PLPPR3: variants seen among roughly 807,000 people sequenced by gnomAD.
The protein encoded by PLPPR3 is phospholipid phosphatase related 3.
A neutral mutation model predicts 27.3 loss-of-function variants in PLPPR3; 14 were observed. The ratio of observed to expected loss-of-function variants is 0.51; its 90% CI spans 0.34 to 0.80. The LOEUF (loss-of-function observed/expected upper bound fraction) is 0.80, where lower values mean the gene tolerates loss of function less well. Among genes scored for constraint, PLPPR3 ranks in the 30% least tolerant of loss-of-function variants. The probability of loss-of-function intolerance (pLI) is 0.01; values close to 1 mark genes in which losing one functional copy is unlikely to be tolerated. For missense variants in PLPPR3, 1,287 were observed against 1,056.9 expected (o/e 1.22, Z -3.02); for synonymous variants, 671 against 508.0 (o/e 1.32, Z -4.32).
At chr19:821,076 G>A (rs983361580) in intron 2 of PLPPR3, among the ~76,000 whole-genome samples, 1 of 152,162 alleles carries the variant, frequency 6.6e-6, no homozygotes, top group African/African-American at 2.4e-5. Flanking sequence ...GAGGTTAGGG[G>A]CAGGGCACCA....
chr19:815,938 G>A (rs997376951), intron 2 of PLPPR3, 87 bp from the exon 3 acceptor site: 28 of 1,370,254 alleles, frequency 2.0e-5, no homozygotes, highest in South Asian at 5.5e-5. Context: ...GCCATCCACC[G>A]TCTCACTCAC....
chr19:818,560 G>A (rs919833596), intron 2 of PLPPR3, among the ~76,000 whole-genome samples: 1 of 151,660 alleles, frequency 6.6e-6, no homozygotes, highest in African/African-American at 2.4e-5. Context: ...TTTTTTTGGA[G>A]TCTCGCTCTG....
intron 2 of PLPPR3, among the ~76,000 whole-genome samples, chr19:818,194 C>T (rs936908466): frequency 2.0e-5 from 3 of 152,000 alleles, no homozygotes; most frequent in Non-Finnish European, 4.4e-5. Flanking sequence ...ACCAGCCTGG[C>T]CAACATGGTG....
intron 2 of PLPPR3, among the ~76,000 whole-genome samples, chr19:818,935 A>G (rs1472496878): frequency 2.0e-5 from 3 of 149,496 alleles, no homozygotes; most frequent in Non-Finnish European, 4.4e-5. Flanking sequence ...CTGGAATTAC[A>G]GGTGTGAGCC....
chr19:814,317 GC>G (rs1394240717), intron 7 of PLPPR3, 116 bp downstream of exon 7: 4 of 998,894 alleles, frequency 4.0e-6, no homozygotes, highest in Non-Finnish European at 5.7e-6. Context: ...CCCTGAGCCT[GC>G]CTCCCACCTC....
chr19:823,674 G>A (rs1417611548), upstream of PLPPR3, among the ~76,000 whole-genome samples: 3 of 152,356 alleles, frequency 2.0e-5, no homozygotes, highest in East Asian at 3.9e-4. Flanking sequence ...GACTGCCTGG[G>A]GAGGGGTCTT....
chr19:819,437 C>T (rs771972256), intron 2 of PLPPR3, among the ~76,000 whole-genome samples: 3 of 151,846 alleles, frequency 2.0e-5, no homozygotes, highest in Non-Finnish European at 2.9e-5. Flanking sequence ...CCCACCACTA[C>T]GACCACCATG....
At chr19:822,897 G>C (rs559010868), upstream of PLPPR3, among the ~76,000 whole-genome samples, 7 of 152,152 alleles carry the variant, frequency 4.6e-5, no homozygotes, top group East Asian at 1.2e-3. Flanking sequence ...GAGGCGGGCG[G>C]ATCACGAGGG....
At chr19:818,654 C>G (rs2035099481) in intron 2 of PLPPR3, among the ~76,000 whole-genome samples, 1 of 151,926 alleles carries the variant, frequency 6.6e-6, no homozygotes, top group Non-Finnish European at 1.5e-5. Context: ...CTGCCTCAGC[C>G]TCCCGAGTAG....
Position 813,253 on chromosome 19 carries a change from G to T in PLPPR3, c.1474C>A (p.Pro492Thr). The T allele has an allele frequency of 6.8e-7, 1 of 1,475,702 alleles. No individual in the cohort carries two copies. Among genetic ancestry groups the T allele is most frequent in the South Asian group, 1.3e-5 (1 of 77,882 alleles). 91.4% of individuals were successfully genotyped at this position (1,475,702 alleles called of 1,614,324 possible). ...VILPPRAGPP[P>T]LVHIPEEGAQ... is the part of the protein sequence containing the mutation. ...CCCTCCTCCGGGATGTGCACCAGCGGCGGCGGCCCCGCGCGCGGTGGGAGG... is the reference window on the plus strand; with the variant it reads ...CCCTCCTCCGGGATGTGCACCAGCGTCGGCGGCCCCGCGCGCGGTGGGAGG... The change falls in exon 8 of 8, where the codon CCG becomes ACG. Residue 492 changes from proline (P) to threonine (T), a missense_variant. Transcript: ENST00000520876. This position sits in a 1 kb window ranked among gnomAD's most constrained non-coding sequence, Gnocchi z 4.1.
rs188393008 is a variant in PLPPR3, at chr19:819,350, G to A, written c.75+2135C>T. 4.5e-4 allele frequency among the ~76,000 whole-genome samples: 66 copies of A among 145,928 alleles called. 1 individual carries two copies. The East Asian group carries it at 0.012, about 26-fold the overall frequency. The stretch of plus-strand genomic sequence containing the variant: ...GGCTGGAGTGCAGTGGCGCGATCTC[G>A]GCTAACTGCAACCTCCACCTCCTGG... On this transcript the variant is annotated intron_variant, in intron 2 of 7. Transcript: ENST00000520876.
chr19:819,691 G>A (rs969482262), intron 2 of PLPPR3, among the ~76,000 whole-genome samples: 7 of 152,132 alleles, frequency 4.6e-5, no homozygotes, highest in East Asian at 1.9e-4. Flanking sequence ...CCACTTGCCC[G>A]GGTGTGAGGT....
rs769521856 is a variant in PLPPR3, at chr19:814,664, G to A, written c.657+28C>T. 3.7e-6 allele frequency: 6 copies of A among 1,608,186 alleles called. No individual in the cohort carries two copies. The African/African-American group carries it at 6.7e-5, about 18-fold the overall frequency. ...TCCCCACGGGTCAGCAAGAGGGCCTGGGAAGGGCAGTGAGGGGCCGGACTC... is the reference window on the plus strand; with the variant it reads ...TCCCCACGGGTCAGCAAGAGGGCCTAGGAAGGGCAGTGAGGGGCCGGACTC... On this transcript the variant is annotated intron_variant, in intron 6 of 7. Transcript: ENST00000520876.
Position 813,098 on chromosome 19 carries a change from G to A in PLPPR3, c.1629C>T (p.Ser543=), listed in dbSNP as rs772138360. 1.3e-6 allele frequency: 2 copies of A among 1,502,008 alleles called. No homozygotes were observed. Among genetic ancestry groups the A allele is most frequent in the East Asian group, 2.6e-5 (1 of 38,544 alleles). 93.0% of individuals were successfully genotyped at this position (1,502,008 alleles called of 1,614,324 possible). The change falls in exon 8 of 8, where the codon TCC becomes TCT. Residue 543 remains serine, a synonymous_variant. Transcript: ENST00000520876. This position sits in a 1 kb window ranked among gnomAD's most constrained non-coding sequence, Gnocchi z 4.1. Reference sequence around the variant, plus strand: ...TGGGGCCCGGCGCGCCCGGAGCCTTGGACATGGCGATGACCTGCAGCAGCC... The same window carrying A: ...TGGGGCCCGGCGCGCCCGGAGCCTTAGACATGGCGATGACCTGCAGCAGCC... ...PPRLLQVIAM[S]KAPGAPGPKA...
chr19:823,181 C>CCTAT (rs1170929206), upstream of PLPPR3, among the ~76,000 whole-genome samples: 1 of 151,606 alleles, frequency 6.6e-6, no homozygotes, highest in Non-Finnish European at 1.5e-5. Flanking sequence ...GTGGCTCAGG[C>CCTAT]CTATAATCCC....
At position 815,750 on chromosome 19, in the gene PLPPR3, G is replaced by A. The variant is rs551451613; in HGVS notation, c.177C>T (p.Leu59=). ...KVGFQCYDRT[L]SMPYVETNEE... ...CGTTGGTCTCCACGTAGGGCATGGA[G>A]AGAGTGCGGTCATAGCACTGGAAGC... The change falls in exon 3 of 8, where the codon CTC becomes CTT. Residue 59 remains leucine (L), a synonymous_variant. Coordinates refer to ENST00000520876, the MANE Select transcript of PLPPR3 (RefSeq NM_001270366.2). The A allele has an allele frequency of 4.2e-4, 681 of 1,612,680 alleles. 6 individuals carry two copies. In the South Asian group the frequency reaches 7.0e-3, roughly 17 times the overall value.
chr19:822,520 C>A (rs1262836609), upstream of PLPPR3, among the ~76,000 whole-genome samples: 1 of 152,152 alleles, frequency 6.6e-6, no homozygotes, highest in African/African-American at 2.4e-5. Flanking sequence ...TCCCTCCCTT[C>A]CCCCCGCACT....
intron 1 of PLPPR3, 110 bp from the exon 2 acceptor site, chr19:821,695 G>A: frequency 1.9e-6 from 1 of 515,630 alleles, no homozygotes; most frequent in Non-Finnish European, 3.1e-6. Flanking sequence ...AGGCTGCAGA[G>A]AGCGGCGTCC....
At chr19:823,050 C>T (rs911199281), upstream of PLPPR3, among the ~76,000 whole-genome samples, 3 of 151,610 alleles carry the variant, frequency 2.0e-5, no homozygotes, top group Non-Finnish European at 4.4e-5. Flanking sequence ...ACCTGGGAAG[C>T]GGAGGTTGCA....
Sources: allele counts gnomAD v4.1 joint callset (sites outside exome capture counted in the v4.1 genomes callset), GRCh38; gene constraint gnomAD v4.1.1; non-coding constraint Gnocchi (gnomAD v3.1); transcripts MANE v1.5; gene names NCBI Gene and HGNC (gene_info 2026-07-23, HGNC 2026-07-21).